The following PCDH11X variants were observed in gnomAD, a reference collection of about 807,000 sequenced individuals.
The protein encoded by PCDH11X is protocadherin 11 X-linked.
Under a neutral mutation model 53.3 loss-of-function variants are expected in PCDH11X, and 18 were observed. That is an observed-to-expected ratio of 0.34 (90% confidence interval 0.23 to 0.50). The LOEUF is 0.50. Among genes scored for constraint, PCDH11X ranks in the 20% least tolerant of loss-of-function variants. The pLI is 0.98. For missense variants in PCDH11X, 570 were observed against 1,032.4 expected (o/e 0.55, Z 6.14); for synonymous variants, 279 against 393.3 (o/e 0.71, Z 3.44).
intron 10 of PCDH11X, among the ~76,000 whole-genome samples, chrX:92,571,503 A>T (rs1320547813): frequency 1.8e-5 from 2 of 108,816 alleles, no homozygotes; most frequent in Non-Finnish European, 3.8e-5. Flanking sequence ...ATAAGATGTA[A>T]TAAAAGTGTG....
At chrX:92,375,636 T>C (rs2070735103) in intron 8 of PCDH11X, among the ~76,000 whole-genome samples, 1 of 110,758 alleles carries the variant, frequency 9.0e-6, no homozygotes, top group South Asian at 3.8e-4. Context: ...TTTCTTTGTT[T>C]GTTTTTGAGA....
At chrX:91,954,349 C>T (rs148071101) in intron 6 of PCDH11X, among the ~76,000 whole-genome samples, 1,113 of 111,235 alleles carry the variant, frequency 0.01, 29 homozygotes, top group Admixed American at 0.085. Flanking sequence ...TTCCTTTATC[C>T]GGTCTATCAT....
rs1937269229 is a variant in PCDH11X at position 91,835,663 on chromosome X, A to C, written c.159A>C (p.Pro53=). Residue 53 remains proline, a synonymous_variant, in exon 5 of 11, where the codon CCA becomes CCC. Coordinates refer to ENST00000682573, the MANE Select transcript of PCDH11X (RefSeq NM_032968.5). ...LLKDLNLSLI[P]NKSLTTAMQF... The stretch of plus-strand genomic sequence containing the variant: ...AAGACCTTAACTTGTCGCTGATTCC[A>C]AACAAGTCCTTGACAACTGCTATGC... The C allele has an allele frequency of 8.3e-7, 1 of 1,209,199 alleles. No homozygotes were observed. The highest frequency in any genetic ancestry group is 1.1e-6 in the Non-Finnish European group (1 of 895,165).
intron 10 of PCDH11X, among the ~76,000 whole-genome samples, chrX:92,582,987 A>G (rs927868776): frequency 1.4e-4 from 15 of 110,671 alleles, no homozygotes; most frequent in African/African-American, 4.9e-4. Context: ...GAATGAGTGT[A>G]TTTATCCAAT....
At chrX:92,113,053 G>A (rs1283379906) in intron 6 of PCDH11X, among the ~76,000 whole-genome samples, 7 of 107,973 alleles carry the variant, frequency 6.5e-5, no homozygotes, top group Non-Finnish European at 1.3e-4. Flanking sequence ...GGAAGGAACA[G>A]TACTTCTACT....
At chrX:92,369,371 C>T (rs911713639) in intron 8 of PCDH11X, among the ~76,000 whole-genome samples, 4 of 111,209 alleles carry the variant, frequency 3.6e-5, no homozygotes, top group Admixed American at 9.5e-5. Context: ...CCCCACCAAG[C>T]TCGATCATCT....
intron 8 of PCDH11X, among the ~76,000 whole-genome samples, chrX:92,368,723 G>C (rs1420025693): frequency 7.2e-5 from 8 of 110,665 alleles, no homozygotes; most frequent in African/African-American, 2.0e-4. Flanking sequence ...GTTGCTTTCT[G>C]TTTGTTAGTT....
chrX:92,126,878 AATG>A (rs1307164772), intron 6 of PCDH11X, among the ~76,000 whole-genome samples: 3 of 107,852 alleles, frequency 2.8e-5, no homozygotes, highest in Non-Finnish European at 3.8e-5. Flanking sequence ...TTTCATTGCC[AATG>A]ATGTCAGTAT....
chrX:92,033,226 T>C (rs2063078472), intron 6 of PCDH11X, among the ~76,000 whole-genome samples: 1 of 110,861 alleles, frequency 9.0e-6, no homozygotes, highest in Admixed American at 9.7e-5. Context: ...TCTTTGCTTT[T>C]GGTATGAGAG....
intron 6 of PCDH11X, among the ~76,000 whole-genome samples, chrX:92,065,777 A>G (rs2063599198): frequency 9.3e-6 from 1 of 107,933 alleles, no homozygotes; most frequent in African/African-American, 3.4e-5. Context: ...TCAGATGGAT[A>G]GTTTCCAAAT....
At chrX:92,170,217 T>C (rs1475788487) in intron 6 of PCDH11X, among the ~76,000 whole-genome samples, 1 of 111,000 alleles carries the variant, frequency 9.0e-6, no homozygotes, top group East Asian at 2.8e-4. Context: ...ATGAATAAAC[T>C]ATTTCACTAT....
intron 1 of PCDH11X, among the ~76,000 whole-genome samples, chrX:91,794,123 C>G (rs1468725956): frequency 8.9e-6 from 1 of 111,921 alleles, no homozygotes; most frequent in African/African-American, 3.2e-5. Flanking sequence ...GTAAAGTTTC[C>G]TTAAAACTAC....
rs1217661673 is a variant in PCDH11X at position 92,412,040 on chromosome X, GGAGGAA to G, written c.3343+24118_3343+24123del. On this transcript the variant is annotated intron_variant, in intron 9 of 10. Coordinates refer to ENST00000682573, the MANE Select transcript of PCDH11X (RefSeq NM_032968.5). Reference sequence around the variant, plus strand: ...AGAGGAGGAGGGGTGAGGAGGAGGAGGAGGAAGAGGAAGAGGGGGAAGAGGAAGAGG... The same window carrying G: ...AGAGGAGGAGGGGTGAGGAGGAGGAGGAGGAAGAGGGGGAAGAGGAAGAGG... Among the ~76,000 whole-genome samples, 324 of 88,331 alleles carry G rather than the reference GGAGGAA, an allele frequency of 3.7e-3. 1 individual carries two copies. Among genetic ancestry groups the G allele is most frequent in the Middle Eastern group, 0.013 (2 of 160 alleles). 76.7% of individuals were successfully genotyped at this position (88,331 alleles called of 115,157 possible).
intron 6 of PCDH11X, chrX:91,882,814 A>G (rs186235114): frequency 9.0e-7 from 1 of 1,115,438 alleles, no homozygotes; most frequent in African/African-American, 1.8e-5. Context: ...ATATTTTGGT[A>G]ATGCAAATTT....
chrX:92,253,242 A>C (rs1373816545), intron 7 of PCDH11X, among the ~76,000 whole-genome samples: 2 of 111,314 alleles, frequency 1.8e-5, no homozygotes, highest in Non-Finnish European at 3.8e-5. Flanking sequence ...GTCAAAAATG[A>C]GTTCAGTGTA....
chrX:92,474,603 G>T, intron 10 of PCDH11X, among the ~76,000 whole-genome samples: 1 of 84,886 alleles, frequency 1.2e-5, no homozygotes, highest in African/African-American at 4.5e-5. Context: ...TAAATTTTTT[G>T]TCAGTCAGTT....
At chrX:91,891,424 CA>C (rs971868429) in intron 6 of PCDH11X, among the ~76,000 whole-genome samples, 2 of 103,868 alleles carry the variant, frequency 1.9e-5, no homozygotes, top group African/African-American at 7.2e-5. Context: ...TGACATCCTA[CA>C]TTCTTCATGG....
intron 8 of PCDH11X, among the ~76,000 whole-genome samples, chrX:92,270,321 A>G (rs2067927636): frequency 9.1e-6 from 1 of 109,939 alleles, no homozygotes; most frequent in African/African-American, 3.3e-5. Flanking sequence ...ATGGGGTGTT[A>G]CCATGTTGGC....
intron 10 of PCDH11X, among the ~76,000 whole-genome samples, chrX:92,506,437 T>C (rs1379158762): frequency 5.9e-4 from 60 of 100,928 alleles, no homozygotes; most frequent in African/African-American, 2.0e-3. Flanking sequence ...TTGAGGATTT[T>C]TTAATATGAA....
Sources: allele counts gnomAD v4.1 joint callset (sites outside exome capture counted in the v4.1 genomes callset), GRCh38; gene constraint gnomAD v4.1.1; transcripts MANE v1.5; gene names NCBI Gene and HGNC (gene_info 2026-07-23, HGNC 2026-07-21).